Variants in MAK observed in about 807,000 individuals in gnomAD.
MAK encodes the protein serine/threonine-protein kinase MAK.
In MAK, 65 loss-of-function variants were observed where a neutral mutation model predicts 82.6. The ratio of observed to expected loss-of-function variants is 0.79; its 90% CI spans 0.64 to 0.97. The LOEUF is 0.97. Among genes scored for constraint, MAK ranks in the 50% least tolerant of loss-of-function variants. The probability of loss-of-function intolerance (pLI) is 0.00; values close to 1 mark genes in which losing one functional copy is unlikely to be tolerated. For missense variants in MAK, 703 were observed against 780.2 expected (o/e 0.90, Z 1.18); for synonymous variants, 250 against 274.2 (o/e 0.91, Z 0.87).
intron 10 of MAK, among the ~76,000 whole-genome samples, chr6:10,791,338 C>T (rs553881679): frequency 3.5e-4 from 54 of 152,286 alleles, no homozygotes; most frequent in African/African-American, 1.3e-3. Flanking sequence ...ACAATCTTGG[C>T]TCACTGCAAC....
chr6:10,798,037 A>G (rs1270025355), intron 8 of MAK: 1 of 841,108 alleles, frequency 1.2e-6, no homozygotes, highest in Non-Finnish European at 1.4e-6. Context: ...TTCCTAAATT[A>G]ATGATGCATA....
At chr6:10,824,722 TTTC>T (rs1245942150) in intron 2 of MAK, among the ~76,000 whole-genome samples, 8 of 152,204 alleles carry the variant, frequency 5.3e-5, no homozygotes, top group Admixed American at 1.3e-4. Flanking sequence ...CCTTTGTGGC[TTTC>T]TTAACAACTC....
rs564634555 is a variant in MAK, at chr6:10,783,803, A to G, written c.1465+621T>C. Among the ~76,000 whole-genome samples, 101 of 152,238 alleles carry G rather than the reference A, an allele frequency of 6.6e-4. No homozygotes were observed. The South Asian group carries it at 7.1e-3, about 11-fold the overall frequency. On this transcript the variant is annotated intron_variant, in intron 11 of 14. Transcript: ENST00000354489. ...TGGGAGGCCAAGGCGGGCGGATCAC[A>G]AGGTCAGGAGATCGAGACCATCCCG...
intron 10 of MAK, chr6:10,784,810 A>G (rs1774378438): frequency 3.1e-6 from 2 of 652,114 alleles, no homozygotes; most frequent in East Asian, 3.1e-5. Context: ...ATAACTGAGC[A>G]GCAATTTACT....
intron 6 of MAK, among the ~76,000 whole-genome samples, chr6:10,807,791 C>T (rs1030321412): frequency 4.6e-5 from 7 of 151,518 alleles, no homozygotes; most frequent in African/African-American, 7.3e-5. Flanking sequence ...CGGCCGGGCC[C>T]GGTGGCTCAC....
In MAK at chr6:10,784,456, T is replaced by C. The variant is rs1385550312; in HGVS notation, c.1433A>G (p.Gln478Arg). 9.9e-6 allele frequency: 16 copies of C among 1,614,214 alleles called. No homozygotes were observed. The East Asian group carries it at 1.3e-4, about 13-fold the overall frequency. The change falls in exon 11 of 15, where the codon CAG becomes CGG. Residue 478 changes from glutamine to arginine, a missense_variant. Physicochemically the swap from Gln to Arg is conservative, Grantham distance 43. Coordinates refer to ENST00000354489, the MANE Select transcript of MAK (RefSeq NM_001242957.3). ...ATATCTTGATTGTTTCAAGTAGTAC[T>C]GTTTAGAGGTTGGAGCAGTTGACAA... ...SELSTAPTSK[Q>R]YYLKQSRYLP...
intron 2 of MAK, among the ~76,000 whole-genome samples, chr6:10,825,501 A>G (rs1025182185): frequency 1.7e-4 from 25 of 151,476 alleles, no homozygotes; most frequent in African/African-American, 6.1e-4. Flanking sequence ...CTCCCTCTAA[A>G]GAGTTTCAAT....
rs1243098721 is a variant in MAK at position 10,791,684 on chromosome 6, G to C, written c.1307C>G (p.Ser436Cys). The C allele has an allele frequency of 1.9e-6, 3 of 1,613,268 alleles. No individual in the cohort carries two copies. The highest frequency in any genetic ancestry group is 1.1e-5 in the South Asian group (1 of 91,010). Reference sequence around the variant, plus strand: ...GAATTTGAAATCTTACCGAAATGGAGAATCTTTTTTCCTTTTTTCTTTAAA... The same window carrying C: ...GAATTTGAAATCTTACCGAAATGGACAATCTTTTTTCCTTTTTTCTTTAAA... ...GVFKEKRKKDSPFRLPEPVPS... is the reference protein window; with the variant it reads ...GVFKEKRKKDCPFRLPEPVPS... The change falls in exon 10 of 15, where the codon TCT becomes TGT. Residue 436 changes from serine to cysteine, a missense_variant. Ser to Cys is a moderately radical substitution (Grantham distance 112). Transcript: ENST00000354489.
At chr6:10,825,876 C>A (rs185451271) in intron 2 of MAK, among the ~76,000 whole-genome samples, 8 of 152,300 alleles carry the variant, frequency 5.3e-5, no homozygotes, top group Admixed American at 2.0e-4. Context: ...AACATGACTG[C>A]ACTGACCTTC....
At chr6:10,804,461 G>A (rs1189796239) in intron 6 of MAK, among the ~76,000 whole-genome samples, 1 of 152,184 alleles carries the variant, frequency 6.6e-6, no homozygotes, top group Non-Finnish European at 1.5e-5. Flanking sequence ...TCCTGCCTCA[G>A]CCTCCCGAGC....
At chr6:10,771,044 G>A (rs1207130845) in intron 13 of MAK, among the ~76,000 whole-genome samples, 2 of 152,130 alleles carry the variant, frequency 1.3e-5, no homozygotes, top group Non-Finnish European at 2.9e-5. Flanking sequence ...CATAGGAGGA[G>A]AATCAGGATT....
intron 4 of MAK, among the ~76,000 whole-genome samples, chr6:10,815,963 T>G (rs1406472108): frequency 6.8e-6 from 1 of 147,214 alleles, no homozygotes; most frequent in African/African-American, 2.6e-5. Flanking sequence ...TTTTCTTTTT[T>G]GTTTGAGATG....
In MAK at chr6:10,800,277, T is replaced by A. The variant is rs576274323; in HGVS notation, c.831+1615A>T. On this transcript the variant is annotated intron_variant, in intron 8 of 14. Coordinates refer to ENST00000354489, the MANE Select transcript of MAK (RefSeq NM_001242957.3). The surrounding 1 kb of genome is among the most constrained non-coding windows in gnomAD (Gnocchi z 4.2). The stretch of plus-strand genomic sequence containing the variant: ...ACTCCATCTCAAAAAAAAAAGAAAA[T>A]ACACATACACATTTCAGTATTTTTC... 2.8e-4 allele frequency among the ~76,000 whole-genome samples: 43 copies of A among 151,366 alleles called. No homozygotes were observed. Among genetic ancestry groups the A allele is most frequent in the Non-Finnish European group, 1.5e-4 (10 of 67,772 alleles).
chr6:10,837,064 A>C (rs770662718), intron 1 of MAK, among the ~76,000 whole-genome samples: 14 of 152,230 alleles, frequency 9.2e-5, no homozygotes, highest in Non-Finnish European at 1.5e-4. Flanking sequence ...CAAAGAGGGC[A>C]AATGAAGGGT....
chr6:10,825,647 C>G (rs1419012551), intron 2 of MAK, among the ~76,000 whole-genome samples: 1 of 149,780 alleles, frequency 6.7e-6, no homozygotes, highest in South Asian at 2.1e-4. Context: ...GTGATTTTCC[C>G]CTCCTTGACA....
In MAK at chr6:10,784,542, G is replaced by A. The variant is rs746051642; in HGVS notation, c.1347C>T (p.Asn449=). ...AGCTCTTGTTTTCCCCTGTCGAGTG[G>A]TTGGAGCCTGAGGGTACTGGCTCTG... is the stretch of plus-strand genomic sequence containing the variant. The part of the protein sequence containing the change: ...RLPEPVPSGS[N]HSTGENKSLP... Residue 449 remains asparagine (N), a synonymous_variant, in exon 11 of 15, where the codon AAC becomes AAT. Transcript: ENST00000354489. The A allele has an allele frequency of 6.2e-7, 1 of 1,614,184 alleles. No homozygotes were observed. Among genetic ancestry groups the A allele is most frequent in the Middle Eastern group, 1.6e-4 (1 of 6,062 alleles).
At chr6:10,834,807 T>C (rs1227714366) in intron 1 of MAK, among the ~76,000 whole-genome samples, 1 of 151,780 alleles carries the variant, frequency 6.6e-6, no homozygotes, top group Non-Finnish European at 1.5e-5. Context: ...TATTATTGTT[T>C]GAGACAGAGT....
At chr6:10,780,160 C>G (rs1416321790) in intron 11 of MAK, 2 of 696,104 alleles carry the variant, frequency 2.9e-6, no homozygotes, top group Non-Finnish European at 3.5e-6. Flanking sequence ...GACAGTAAGG[C>G]TCAAGTTTAC....
chr6:10,810,621 G>C (rs1776857808), intron 5 of MAK, among the ~76,000 whole-genome samples: 1 of 152,156 alleles, frequency 6.6e-6, no homozygotes, highest in South Asian at 2.1e-4. Flanking sequence ...TTACAGGTGT[G>C]AGCCACCACG....
Sources: allele counts gnomAD v4.1 joint callset (sites outside exome capture counted in the v4.1 genomes callset), GRCh38; gene constraint gnomAD v4.1.1; non-coding constraint Gnocchi (gnomAD v3.1); transcripts MANE v1.5; gene names NCBI Gene and HGNC (gene_info 2026-07-23, HGNC 2026-07-21).